Variants in RBM20 observed in about 807,000 individuals in gnomAD.
RBM20 encodes RNA-binding protein 20.
A neutral mutation model predicts 110.1 loss-of-function variants in RBM20; 51 were observed. The observed-to-expected ratio is 0.46, with a 90% CI of 0.37 to 0.59. The LOEUF (loss-of-function observed/expected upper bound fraction) is 0.59, where lower values mean the gene tolerates loss of function less well. Ranked by LOEUF, RBM20 falls within the 20% of genes least tolerant of loss-of-function variation. RBM20 has a pLI of 0.00. For synonymous variants in RBM20, 589 were observed against 618.2 expected, an observed-to-expected ratio of 0.95 and a Z score of 0.70; for missense variants, 1,512 against 1,574.9, an observed-to-expected ratio of 0.96 and a Z score of 0.68.
chr10:110,656,242 C>T (rs1323220376), intron 1 of RBM20, among the ~76,000 whole-genome samples: 3 of 152,052 alleles, frequency 2.0e-5, no homozygotes, highest in African/African-American at 7.2e-5. Context: ...GCAGAGGTTA[C>T]AACAGTGAGC....
chr10:110,766,390 T>G (rs1564839378), intron 1 of RBM20, among the ~76,000 whole-genome samples: 1 of 151,832 alleles, frequency 6.6e-6, no homozygotes, highest in South Asian at 2.1e-4. Context: ...TTTGGCAGGG[T>G]CATAGGACAA....
intron 1 of RBM20, among the ~76,000 whole-genome samples, chr10:110,662,012 G>A (rs78468133): frequency 0.41 from 59,511 of 144,736 alleles, 12,147 homozygotes; most frequent in Middle Eastern, 0.51. Context: ...CTGGTCTCAG[G>A]AAAAAAAAAA....
intron 9 of RBM20, among the ~76,000 whole-genome samples, chr10:110,818,975 G>A (rs1351071673): frequency 1.3e-5 from 2 of 152,252 alleles, no homozygotes; most frequent in African/African-American, 4.8e-5. Flanking sequence ...TTTGAACCAT[G>A]TATCCCTGTC....
In RBM20 at chr10:110,672,953, G is replaced by A. The variant is rs1590608458; in HGVS notation, c.191+28308G>A. The stretch of plus-strand genomic sequence containing the variant: ...ACTATGAAGCTCAACTTTGAACTTT[G>A]CATTTTTTCTCTTATTATTATTTTA... On this transcript the variant is annotated intron_variant, in intron 1 of 13. Transcript: ENST00000369519. 3.3e-5 allele frequency among the ~76,000 whole-genome samples: 5 copies of A among 152,156 alleles called. No homozygotes were observed. In the South Asian group the frequency reaches 1.0e-3, roughly 32 times the overall value.
chr10:110,689,982 A>G (rs1238818411), intron 1 of RBM20, among the ~76,000 whole-genome samples: 1 of 152,226 alleles, frequency 6.6e-6, no homozygotes, highest in Non-Finnish European at 1.5e-5. Flanking sequence ...CAATGCTTAA[A>G]TAGGGCCTTC....
rs11817121 is a variant in RBM20, at chr10:110,699,171, T to C, written c.191+54526T>C. 8.4e-3 allele frequency among the ~76,000 whole-genome samples: 1,270 copies of C among 151,658 alleles called. 18 individuals are homozygous for C. The highest frequency in any genetic ancestry group is 0.029 in the African/African-American group (1,189 of 41,330). ...ACTTAACCTTTCCAGACCCACGTGA[T>C]GATGGAGATCCGGCAGGCAGTGGCT... is the stretch of plus-strand genomic sequence containing the variant. On this transcript the variant is annotated intron_variant, in intron 1 of 13. Coordinates refer to ENST00000369519, the MANE Select transcript of RBM20 (RefSeq NM_001134363.3).
In RBM20 at chr10:110,737,193, A is replaced by AAAAAAAAAAAAAAAAC. The variant is rs796374212; in HGVS notation, c.192-43604_192-43603insAAAAAAAAAAACAAAA. Among the ~76,000 whole-genome samples, 54 of 116,504 alleles carry AAAAAAAAAAAAAAAAC rather than the reference A, an allele frequency of 4.6e-4. 3 individuals are homozygous for AAAAAAAAAAAAAAAAC. Among genetic ancestry groups the AAAAAAAAAAAAAAAAC allele is most frequent in the African/African-American group, 9.5e-4 (26 of 27,450 alleles). The allele number at this position is 116,504 out of a possible 152,430, so 76.4% of individuals were successfully genotyped here. ...ACTCTGCCTCAAAAAAAAAAAAAAA[A>AAAAAAAAAAAAAAAAC]AAAACACCCCACACACACACTCAAA... On this transcript the variant is annotated intron_variant, in intron 1 of 13. Transcript: ENST00000369519.
intron 13 of RBM20, among the ~76,000 whole-genome samples, chr10:110,834,358 C>G (rs1045343360): frequency 6.6e-6 from 1 of 152,232 alleles, no homozygotes; most frequent in African/African-American, 2.4e-5. Context: ...CAACTGCAGT[C>G]TCTTCTATGG....
At chr10:110,725,940 C>G (rs1298080253) in intron 1 of RBM20, among the ~76,000 whole-genome samples, 1 of 152,062 alleles carries the variant, frequency 6.6e-6, no homozygotes, top group South Asian at 2.1e-4. Flanking sequence ...TTCCTGCCCC[C>G]CTCCCCCGAC....
rs1845050912 is a variant in RBM20 at position 110,831,463 on chromosome 10, C to T, written c.3573+281C>T. 1.6e-5 allele frequency: 5 copies of T among 313,084 alleles called. No homozygotes were observed. In the Admixed American group the frequency reaches 2.2e-4, roughly 14 times the overall value. 19.4% of individuals were successfully genotyped at this position (313,084 alleles called of 1,614,324 possible). A position where few individuals can be genotyped will look rare whatever the true frequency, so the allele number is the denominator to read the frequency against. ...TGGCTACCTCCTGTGTTGCTCCTAG[C>T]ACATGTCTCTACTTTAATACCTAAA... On this transcript the variant is annotated intron_variant, in intron 13 of 13. Coordinates refer to ENST00000369519, the MANE Select transcript of RBM20 (RefSeq NM_001134363.3).
At position 110,650,236 on chromosome 10, in the gene RBM20, G is replaced by A. The variant is rs115833640; in HGVS notation, c.191+5591G>A. 2.2e-3 allele frequency among the ~76,000 whole-genome samples: 330 copies of A among 152,206 alleles called. 2 individuals carry two copies. Among genetic ancestry groups the A allele is most frequent in the African/African-American group, 7.7e-3 (321 of 41,536 alleles). ...TTTAATATGATAAACTCTTTACCGC[G>A]GTGGAAGTTACAGTCAAGTTGATTG... On this transcript the variant is annotated intron_variant, in intron 1 of 13. Coordinates refer to ENST00000369519, the MANE Select transcript of RBM20 (RefSeq NM_001134363.3).
At chr10:110,671,734 A>G (rs1243267350) in intron 1 of RBM20, among the ~76,000 whole-genome samples, 4 of 126,534 alleles carry the variant, frequency 3.2e-5, no homozygotes, top group Non-Finnish European at 5.1e-5. Context: ...GACACTGTTT[A>G]AGATATATAT....
At chr10:110,832,317 C>T (rs1388279497) in intron 13 of RBM20, among the ~76,000 whole-genome samples, 1 of 152,144 alleles carries the variant, frequency 6.6e-6, no homozygotes, top group East Asian at 1.9e-4. Flanking sequence ...AGTGGCTGTG[C>T]CCAAGTCCCA....
intron 1 of RBM20, among the ~76,000 whole-genome samples, chr10:110,725,050 T>G (rs1410461881): frequency 1.3e-5 from 2 of 152,160 alleles, no homozygotes; most frequent in Admixed American, 1.3e-4. Flanking sequence ...ATTAAGCAAG[T>G]GACACCACTC....
chr10:110,791,430 G>A (rs561418849), intron 5 of RBM20, among the ~76,000 whole-genome samples: 2 of 152,290 alleles, frequency 1.3e-5, no homozygotes, highest in Admixed American at 1.3e-4. Flanking sequence ...CAGGCCTGTT[G>A]CCCTAAGCCA....
At chr10:110,783,675 G>A (rs978722658) in intron 3 of RBM20, among the ~76,000 whole-genome samples, 5 of 152,246 alleles carry the variant, frequency 3.3e-5, no homozygotes, top group African/African-American at 7.2e-5. Flanking sequence ...CCGGAAGTGC[G>A]TGTGTGCGTG....
At position 110,784,357 on chromosome 10, in the gene RBM20, A is replaced by G; in HGVS notation, c.1354A>G (p.Ile452Val). The G allele has an allele frequency of 6.4e-7, 1 of 1,551,014 alleles. No homozygotes were observed. Among genetic ancestry groups the G allele is most frequent in the Non-Finnish European group, 8.7e-7 (1 of 1,146,766 alleles). Reference protein sequence around the residue: ...VFSENAGIRCILGSAEGTLCA... With the variant: ...VFSENAGIRCVLGSAEGTLCA... Reference sequence around the variant, plus strand: ...CCTCTCCAGTGCTGGCATCCGGTGTATACTTGGTTCGGCAGAGGGAACATT... The same window carrying G: ...CCTCTCCAGTGCTGGCATCCGGTGTGTACTTGGTTCGGCAGAGGGAACATT... Residue 452 changes from isoleucine to valine, a missense_variant, in exon 4 of 14, where the codon ATA (isoleucine) becomes GTA (valine). Around this residue, in one of 3 missense-constraint regions of RBM20, gnomAD observed 1,149 missense variants for 1,169.4 expected, o/e 0.98. Transcript: ENST00000369519.
chr10:110,671,843 T>G lies in RBM20; in HGVS notation c.191+27198T>G, dbSNP rs146145909. On this transcript the variant is annotated intron_variant, in intron 1 of 13. Transcript: ENST00000369519. ...AAAGATATCTTTTAAAATGTTAATT[T>G]ACAGAAGAGATCCATTCTGGTGTGA... Among the ~76,000 whole-genome samples the G allele has an allele frequency of 4.3e-3, 652 of 152,316 alleles. 4 individuals carry two copies. The highest frequency in any genetic ancestry group is 0.015 in the African/African-American group (604 of 41,560).
rs560556736 is a variant in RBM20 at position 110,833,138 on chromosome 10, C to G, written c.3573+1956C>G. ...CGGCACAGTGGCTCACACCTGTAAT[C>G]CCAGCACTTTGGGAGACCGAGGCGG... On this transcript the variant is annotated intron_variant, in intron 13 of 13. Transcript: ENST00000369519. 2.0e-5 allele frequency among the ~76,000 whole-genome samples: 3 copies of G among 151,798 alleles called. No homozygotes were observed. In the East Asian group the frequency reaches 5.8e-4, roughly 30 times the overall value.
Sources: gnomAD v4.1 joint callset for allele counts (sites outside exome capture counted in the v4.1 genomes callset) on GRCh38, gnomAD v4.1.1 for gene constraint, gnomAD v4.1.1 regional missense constraint, MANE v1.5 for transcripts, NCBI Gene and HGNC (gene_info 2026-07-23, HGNC 2026-07-21) for gene names.